ATP11B: variants seen among roughly 807,000 people sequenced by gnomAD.
The protein encoded by ATP11B is ATPase phospholipid transporting 11B (putative).
ATP11B carries 81 observed loss-of-function variants against 157.8 expected under a neutral mutation model. The ratio of observed to expected loss-of-function variants is 0.51; its 90% confidence interval spans 0.43 to 0.62. ATP11B has a LOEUF of 0.62. ATP11B is among the 20% of genes least tolerant of loss of function. The pLI is 0.00. For synonymous variants in ATP11B, 451 were observed against 469.4 expected, an observed-to-expected ratio of 0.96 and a Z score of 0.51; for missense variants, 1,165 against 1,402.2, an observed-to-expected ratio of 0.83 and a Z score of 2.70.
chr3:182,894,294 C>T (rs1723370156), intron 25 of ATP11B, among the ~76,000 whole-genome samples: 1 of 152,230 alleles, frequency 6.6e-6, no homozygotes, highest in Non-Finnish European at 1.5e-5. Flanking sequence ...AGAAGCAATT[C>T]TCCTGCCTCA....
At chr3:182,819,559 G>A (rs1353376853) in intron 1 of ATP11B, among the ~76,000 whole-genome samples, 1 of 152,144 alleles carries the variant, frequency 6.6e-6, no homozygotes, top group Non-Finnish European at 1.5e-5. Flanking sequence ...TTCTCAATCT[G>A]AGGTCAGGAT....
chr3:182,897,146 C>T (rs1236552718), intron 26 of ATP11B, among the ~76,000 whole-genome samples, 157 bp from the exon 27 acceptor site: 2 of 151,978 alleles, frequency 1.3e-5, no homozygotes, highest in African/African-American at 4.8e-5. Flanking sequence ...TATACTAGGA[C>T]CTTTTCATTC....
intron 22 of ATP11B, 83 bp downstream of exon 22, chr3:182,884,981 C>A: frequency 1.3e-6 from 1 of 799,282 alleles, no homozygotes; most frequent in African/African-American, 1.8e-5. Flanking sequence ...TTATACATTT[C>A]TCTTTAAAAT....
intron 28 of ATP11B, among the ~76,000 whole-genome samples, chr3:182,906,465 A>G (rs925128112): frequency 1.3e-5 from 2 of 152,108 alleles, no homozygotes; most frequent in African/African-American, 2.4e-5. Context: ...TTTCTTTGAG[A>G]CAGGGCCTCA....
chr3:182,890,331 A>G (rs1723090386), intron 25 of ATP11B, among the ~76,000 whole-genome samples: 1 of 152,170 alleles, frequency 6.6e-6, no homozygotes, highest in African/African-American at 2.4e-5. Context: ...GTATTGCAAA[A>G]TATGTTTGGA....
At chr3:182,897,537 A>G (rs1260049529) in intron 27 of ATP11B, 131 bp downstream of exon 27, 2 of 584,446 alleles carry the variant, frequency 3.4e-6, no homozygotes, top group Non-Finnish European at 5.7e-6. Flanking sequence ...TCTTCAGTTG[A>G]TCTTACTGAT....
intron 1 of ATP11B, among the ~76,000 whole-genome samples, chr3:182,795,634 T>G (rs1715553771): frequency 1.3e-5 from 2 of 152,208 alleles, no homozygotes; most frequent in Non-Finnish European, 2.9e-5. Flanking sequence ...CTCACTGGTT[T>G]TAAGTTATCA....
At chr3:182,868,151 C>A (rs1721387276) in intron 15 of ATP11B, among the ~76,000 whole-genome samples, 1 of 151,886 alleles carries the variant, frequency 6.6e-6, no homozygotes, top group Non-Finnish European at 1.5e-5. Flanking sequence ...GTTCTTCTCA[C>A]TGAATAAAGA....
At chr3:182,846,636 A>G in intron 9 of ATP11B, among the ~76,000 whole-genome samples, 1 of 152,256 alleles carries the variant, frequency 6.6e-6, no homozygotes, top group Non-Finnish European at 1.5e-5. Context: ...AATATTATTC[A>G]GCTATAAAAA....
At chr3:182,811,426 T>C (rs1034442817) in intron 1 of ATP11B, among the ~76,000 whole-genome samples, 4 of 152,172 alleles carry the variant, frequency 2.6e-5, no homozygotes, top group African/African-American at 9.7e-5. Context: ...CATTACAGAA[T>C]GTCTAATACT....
chr3:182,906,773 GT>G lies in ATP11B; in HGVS notation c.3319-7084del, dbSNP rs200273635. Among the ~76,000 whole-genome samples the G allele has an allele frequency of 6.9e-5, 9 of 130,666 alleles. 1 individual carries two copies. The highest frequency in any genetic ancestry group is 1.7e-4 in the African/African-American group (5 of 29,790). 85.7% of individuals were successfully genotyped at this position (130,666 alleles called of 152,430 possible). On this transcript the variant is annotated intron_variant, in intron 28 of 29. Coordinates refer to ENST00000323116, the MANE Select transcript of ATP11B (RefSeq NM_014616.3). ...CTCATAAATTTTCATAGTTGTATCTGTTTTAAAAAAAAAAAAAAGAAGAAGA... is the reference window on the plus strand; with the variant it reads ...CTCATAAATTTTCATAGTTGTATCTGTTTAAAAAAAAAAAAAAGAAGAAGA...
intron 1 of ATP11B, among the ~76,000 whole-genome samples, chr3:182,813,604 T>C (rs1483209255): frequency 1.3e-5 from 2 of 152,222 alleles, no homozygotes; most frequent in Admixed American, 1.3e-4. Flanking sequence ...AGTTTCCTGC[T>C]AGCCCCTCTT....
intron 28 of ATP11B, among the ~76,000 whole-genome samples, chr3:182,903,014 C>G (rs1042430838): frequency 2.6e-5 from 4 of 151,988 alleles, no homozygotes; most frequent in African/African-American, 9.7e-5. Context: ...ATTGTAATGG[C>G]TGCTGAAGCA....
chr3:182,880,268 G>A lies in ATP11B; in HGVS notation c.2407-611G>A, dbSNP rs1207876372. Among the ~76,000 whole-genome samples the A allele has an allele frequency of 2.0e-5, 3 of 152,020 alleles. No homozygotes were observed. In the East Asian group the frequency reaches 5.8e-4, roughly 29 times the overall value. On this transcript the variant is annotated intron_variant, in intron 20 of 29. Transcript: ENST00000323116. ...TAAATACTGATTATTTCCCATATAG[G>A]TCTAATAAATTAAACGTCTAAGTTT...
At chr3:182,830,210 C>G (rs1576984222) in intron 4 of ATP11B, among the ~76,000 whole-genome samples, 1 of 151,860 alleles carries the variant, frequency 6.6e-6, no homozygotes, top group East Asian at 1.9e-4. Context: ...GTGGTCCCAG[C>G]TACTTGGTGG....
chr3:182,914,622 T>G (rs1725021417), intron 29 of ATP11B: 2 of 985,272 alleles, frequency 2.0e-6, no homozygotes, highest in African/African-American at 3.5e-5. Flanking sequence ...TTTTAAATTA[T>G]GGAGTAAAAG....
At chr3:182,853,496 A>C (rs1327410143) in intron 10 of ATP11B, among the ~76,000 whole-genome samples, 1 of 152,166 alleles carries the variant, frequency 6.6e-6, no homozygotes, top group Non-Finnish European at 1.5e-5. Flanking sequence ...CCCGGCCAAT[A>C]AATCATTTTT....
At chr3:182,839,550 G>A (rs542604847) in intron 7 of ATP11B, among the ~76,000 whole-genome samples, 1 of 151,750 alleles carries the variant, frequency 6.6e-6, no homozygotes. Flanking sequence ...TAATATTCTC[G>A]TGGTAGGATT....
At chr3:182,890,843 A>G (rs902471630) in intron 25 of ATP11B, among the ~76,000 whole-genome samples, 2 of 152,178 alleles carry the variant, frequency 1.3e-5, no homozygotes, top group Admixed American at 1.3e-4. Flanking sequence ...AAACTTGCCT[A>G]AGTTCACACA....
Sources: allele counts gnomAD v4.1 joint callset (sites outside exome capture counted in the v4.1 genomes callset), GRCh38; gene constraint gnomAD v4.1.1; transcripts MANE v1.5; gene names NCBI Gene and HGNC (gene_info 2026-07-23, HGNC 2026-07-21).